The following RANGAP1 variants were observed in gnomAD, a reference collection of about 807,000 sequenced individuals.
The protein encoded by RANGAP1 is ran GTPase-activating protein 1.
Under a neutral mutation model 63.5 loss-of-function variants are expected in RANGAP1, and 38 were observed. The ratio of observed to expected loss-of-function variants is 0.60; its 90% CI spans 0.46 to 0.78. RANGAP1 has a LOEUF of 0.78. Among genes scored for constraint, RANGAP1 ranks in the 30% least tolerant of loss-of-function variants. The pLI is 0.00. For synonymous variants in RANGAP1, 329 were observed against 310.5 expected, an observed-to-expected ratio of 1.06 and a Z score of -0.63; for missense variants, 630 against 740.3, an observed-to-expected ratio of 0.85 and a Z score of 1.73.
chr22:41,302,076 C>T, the RANGAP1 span, among the ~76,000 whole-genome samples: 1 of 152,112 alleles, frequency 6.6e-6, no homozygotes, highest in Non-Finnish European at 1.5e-5. This position sits in a 1 kb window ranked among gnomAD's most constrained non-coding sequence, Gnocchi z 5.7. Context: ...TTGGCCGCCC[C>T]TGCAGCCCCC....
intron 1 of RANGAP1, among the ~76,000 whole-genome samples, chr22:41,284,746 C>G (rs1481707004): frequency 1.3e-5 from 2 of 152,124 alleles, no homozygotes; most frequent in Non-Finnish European, 2.9e-5. Flanking sequence ...GTGGCAGGTG[C>G]CTGCAGTCCC....
At chr22:41,300,428 T>A in the RANGAP1 span, among the ~76,000 whole-genome samples, 19 of 36,274 alleles carry the variant, frequency 5.2e-4, no homozygotes, top group South Asian at 1.4e-3. Flanking sequence ...TATTGGGAAC[T>A]CACACACACA....
chr22:41,270,025 G>C (rs144198369), intron 3 of RANGAP1, among the ~76,000 whole-genome samples: 2,711 of 151,950 alleles, frequency 0.018, 65 homozygotes, highest in African/African-American at 0.061. Flanking sequence ...AGTGGAGATG[G>C]GGTTTCGCCA....
chr22:41,255,872 T>C (rs1302823541), intron 10 of RANGAP1, 149 bp downstream of exon 10: 2 of 766,920 alleles, frequency 2.6e-6, no homozygotes, highest in African/African-American at 1.7e-5. Flanking sequence ...GGGAATCACT[T>C]GAACCCAGGA....
intron 12 of RANGAP1, 50 bp downstream of exon 12, chr22:41,252,822 C>T: frequency 6.8e-7 from 1 of 1,480,734 alleles, no homozygotes; most frequent in Non-Finnish European, 9.0e-7. Context: ...TCTCTAACAG[C>T]TCCAGAAGCC....
At chr22:41,258,263 C>G (rs2033963751) in intron 6 of RANGAP1, among the ~76,000 whole-genome samples, 157 bp from the exon 7 acceptor site, 1 of 152,266 alleles carries the variant, frequency 6.6e-6, no homozygotes, top group African/African-American at 2.4e-5. Context: ...GCATCTAACT[C>G]TTTCCACAAC....
chr22:41,255,778 GAATA>G (rs1246666999), intron 10 of RANGAP1, among the ~76,000 whole-genome samples: 3 of 151,974 alleles, frequency 2.0e-5, no homozygotes, highest in South Asian at 4.1e-4. Flanking sequence ...CAACGTTTCT[GAATA>G]AATACAAGTA....
intron 12 of RANGAP1, among the ~76,000 whole-genome samples, chr22:41,252,256 C>T (rs1286235015): frequency 2.6e-5 from 4 of 151,888 alleles, no homozygotes; most frequent in Admixed American, 6.6e-5. Flanking sequence ...GAGCCGAGAT[C>T]GTGCCACTGC....
rs3171692 is a variant in RANGAP1, at chr22:41,246,208, C to T, written c.*395G>A. 0.3 allele frequency: 61,724 copies of T among 205,916 alleles called. 10,686 individuals carry two copies. Among genetic ancestry groups the T allele is most frequent in the Admixed American group, 0.52 (9,640 of 18,692 alleles). The allele number at this position is 205,916 out of a possible 1,614,324, so 12.8% of individuals were successfully genotyped here. On this transcript the variant is annotated 3_prime_UTR_variant, in exon 16 of 16. Coordinates refer to ENST00000356244, the MANE Select transcript of RANGAP1 (RefSeq NM_002883.4). ...GGAAGGACAGCACGCGGGCAACTCC[C>T]TGGGTTCTGGCTCCGCCAGGGAGCC...
the RANGAP1 span, among the ~76,000 whole-genome samples, chr22:41,298,434 C>A: frequency 6.6e-6 from 1 of 152,108 alleles, no homozygotes; most frequent in African/African-American, 2.4e-5. Context: ...CCTGCCTTAG[C>A]CTCCTGAGGA....
At chr22:41,286,587 A>G (rs955374820), upstream of RANGAP1, among the ~76,000 whole-genome samples, 1 of 152,258 alleles carries the variant, frequency 6.6e-6, no homozygotes, top group Non-Finnish European at 1.5e-5. Flanking sequence ...CTCTTGGGCA[A>G]GACACAGGTA....
At chr22:41,276,236 C>T (rs564601740) in intron 2 of RANGAP1, among the ~76,000 whole-genome samples, 1 of 152,330 alleles carries the variant, frequency 6.6e-6, no homozygotes, top group African/African-American at 2.4e-5. Context: ...TTCTCTCTAG[C>T]TGGTAGGATA....
chr22:41,298,601 C>T, the RANGAP1 span, among the ~76,000 whole-genome samples: 2 of 149,912 alleles, frequency 1.3e-5, no homozygotes, highest in African/African-American at 4.9e-5. Flanking sequence ...AGGGGTGAGC[C>T]ACCACGCCCG....
intron 3 of RANGAP1, 70 bp downstream of exon 3, chr22:41,274,530 C>T: frequency 3.1e-6 from 5 of 1,591,776 alleles, no homozygotes; most frequent in Non-Finnish European, 4.3e-6. Context: ...TGGACACAGG[C>T]AGGGGTTGTG....
the RANGAP1 span, among the ~76,000 whole-genome samples, chr22:41,301,244 GA>G: frequency 1.3e-5 from 2 of 152,164 alleles, no homozygotes; most frequent in African/African-American, 4.8e-5. Flanking sequence ...GGGGCGGGGG[GA>G]CTTTTGACAC....
At chr22:41,263,370 TTC>T (rs759225068) in intron 5 of RANGAP1, among the ~76,000 whole-genome samples, 49 of 152,196 alleles carry the variant, frequency 3.2e-4, no homozygotes, top group Non-Finnish European at 6.5e-4. Flanking sequence ...TTTTATATGT[TTC>T]TGTTTGTTTG....
intron 3 of RANGAP1, among the ~76,000 whole-genome samples, chr22:41,268,567 C>T (rs567902273): frequency 6.6e-6 from 1 of 151,984 alleles, no homozygotes; most frequent in South Asian, 2.1e-4. Flanking sequence ...CAAGACTTAA[C>T]TTGAGCTTTG....
At position 41,257,799 on chromosome 22, in the gene RANGAP1, G is replaced by T; in HGVS notation, c.774+149C>A. On this transcript the variant is annotated intron_variant, in intron 7 of 15. Coordinates refer to ENST00000356244, the MANE Select transcript of RANGAP1 (RefSeq NM_002883.4). The surrounding 1 kb of genome is among the most constrained non-coding windows in gnomAD (Gnocchi z 4.0). ...GGACCTGCAACCCTGTTCAGGACAT[G>T]TTCAAAGAGCTGGAGCCATGGGGCA... is the stretch of plus-strand genomic sequence containing the variant. The T allele has an allele frequency of 1.0e-6, 1 of 1,004,914 alleles. No individual in the cohort carries two copies. The highest frequency in any genetic ancestry group is 1.9e-5 in the South Asian group (1 of 53,818). 62.2% of individuals were successfully genotyped at this position (1,004,914 alleles called of 1,614,324 possible).
At chr22:41,281,491 G>A (rs2035489246) in intron 1 of RANGAP1, 1 of 992,800 alleles carries the variant, frequency 1.0e-6, no homozygotes, top group Admixed American at 5.5e-5. Context: ...CTGTTTGAGG[G>A]TCCCATTCCT....
Sources: gnomAD v4.1 joint callset for allele counts (sites outside exome capture counted in the v4.1 genomes callset) on GRCh38, gnomAD v4.1.1 for gene constraint, Gnocchi (gnomAD v3.1) non-coding constraint, MANE v1.5 for transcripts, NCBI Gene and HGNC (gene_info 2026-07-23, HGNC 2026-07-21) for gene names.